CHCHD3: variants seen among roughly 807,000 people sequenced by gnomAD.
CHCHD3 encodes the protein coiled-coil-helix-coiled-coil-helix domain containing 3.
CHCHD3 carries 20 observed loss-of-function variants against 38.2 expected under a neutral mutation model. That is an observed-to-expected ratio of 0.52 (90% CI 0.37 to 0.76). The LOEUF (loss-of-function observed/expected upper bound fraction) is 0.76, where lower values mean the gene tolerates loss of function less well. Among genes scored for constraint, CHCHD3 ranks in the 30% least tolerant of loss-of-function variants. The probability of loss-of-function intolerance (pLI) is 0.00; values close to 1 mark genes in which losing one functional copy is unlikely to be tolerated. For missense variants in CHCHD3, 245 were observed against 279.2 expected (o/e 0.88, Z 0.87); for synonymous variants, 82 against 100.0 (o/e 0.82, Z 1.07).
At chr7:132,934,801 C>A (rs1210345419) in intron 4 of CHCHD3, among the ~76,000 whole-genome samples, 1 of 152,166 alleles carries the variant, frequency 6.6e-6, no homozygotes, top group Non-Finnish European at 1.5e-5. Context: ...AGCCTTTTAG[C>A]CAGTACTTTG....
chr7:132,902,047 T>C (rs1221612132), intron 4 of CHCHD3, among the ~76,000 whole-genome samples: 2 of 152,220 alleles, frequency 1.3e-5, no homozygotes, highest in African/African-American at 4.8e-5. Context: ...TTTCTACATA[T>C]GGCTAGCCAG....
chr7:133,045,450 A>C (rs1813957342), intron 2 of CHCHD3, among the ~76,000 whole-genome samples: 1 of 152,206 alleles, frequency 6.6e-6, no homozygotes, highest in African/African-American at 2.4e-5. Flanking sequence ...AGTCACCCTC[A>C]TTAAAACAAA....
intron 2 of CHCHD3, among the ~76,000 whole-genome samples, chr7:133,033,255 A>C (rs1039495608): frequency 6.6e-6 from 1 of 152,232 alleles, no homozygotes; most frequent in Non-Finnish European, 1.5e-5. Context: ...GTTTATATAT[A>C]AAACAACTAA....
chr7:132,974,828 C>T (rs1376020314), intron 4 of CHCHD3, among the ~76,000 whole-genome samples: 6 of 151,514 alleles, frequency 4.0e-5, no homozygotes, highest in African/African-American at 1.5e-4. Context: ...GAGCTGAGAT[C>T]GCACCACTGC....
intron 2 of CHCHD3, among the ~76,000 whole-genome samples, chr7:133,065,927 T>C (rs1344541962): frequency 6.6e-6 from 1 of 152,214 alleles, no homozygotes; most frequent in East Asian, 1.9e-4. Context: ...AGAAATCATG[T>C]ACTCAAAGAA....
chr7:132,915,616 G>A (rs1365418458), intron 4 of CHCHD3, among the ~76,000 whole-genome samples: 1 of 152,042 alleles, frequency 6.6e-6, no homozygotes, highest in Non-Finnish European at 1.5e-5. Context: ...TTGTTTTGAA[G>A]TTCAAAATAG....
intron 6 of CHCHD3, among the ~76,000 whole-genome samples, chr7:132,829,770 C>T (rs1430012914): frequency 6.6e-6 from 1 of 152,142 alleles, no homozygotes; most frequent in Non-Finnish European, 1.5e-5. Context: ...CAAAGTGACC[C>T]TTTTGGTCTT....
At chr7:133,009,290 G>A (rs1278352635) in intron 3 of CHCHD3, among the ~76,000 whole-genome samples, 2 of 150,058 alleles carry the variant, frequency 1.3e-5, no homozygotes, top group African/African-American at 4.9e-5. Flanking sequence ...CTTGAACCCA[G>A]GAGGCAGAGG....
At chr7:132,963,426 T>G (rs1217382843) in intron 4 of CHCHD3, among the ~76,000 whole-genome samples, 5 of 139,974 alleles carry the variant, frequency 3.6e-5, no homozygotes, top group South Asian at 2.3e-4. Context: ...GGTCGGGAGA[T>G]CGAGACCATC....
In CHCHD3 at chr7:132,984,851, T is replaced by G. The variant is rs1812047454; in HGVS notation, c.252-9565A>C. ...GCAGCCACCCGGTCTGGGAGGGAGG[T>G]GGGGGTCAGCCCCCCACCCGGCCAG... On this transcript the variant is annotated intron_variant, in intron 3 of 7. Coordinates refer to ENST00000262570, the MANE Select transcript of CHCHD3 (RefSeq NM_017812.4). Among the ~76,000 whole-genome samples, 2 of 107,712 alleles carry G rather than the reference T, an allele frequency of 1.9e-5. 1 individual carries two copies. Among genetic ancestry groups the G allele is most frequent in the Non-Finnish European group, 4.0e-5 (2 of 50,478 alleles). The allele number at this position is 107,712 out of a possible 152,430, so 70.7% of individuals were successfully genotyped here. A position where few individuals can be genotyped will look rare whatever the true frequency, so the allele number is the denominator to read the frequency against.
intron 6 of CHCHD3, among the ~76,000 whole-genome samples, chr7:132,824,756 G>T (rs1807467693): frequency 2.0e-5 from 3 of 152,034 alleles, no homozygotes; most frequent in African/African-American, 7.2e-5. Context: ...CACTGTTTCA[G>T]CCATTTTCAC....
At position 132,961,211 on chromosome 7, in the gene CHCHD3, G is replaced by A. The variant is rs1024811332; in HGVS notation, c.369+13958C>T. Among the ~76,000 whole-genome samples, 3 of 152,124 alleles carry A rather than the reference G, an allele frequency of 2.0e-5. No homozygotes were observed. In the East Asian group the frequency reaches 5.8e-4, roughly 29 times the overall value. On this transcript the variant is annotated intron_variant, in intron 4 of 7. Transcript: ENST00000262570. ...GCAGGAGGATCACTTGAGCCCAGGA[G>A]GTCGAGGCTACAGTGAGCTATGATT...
intron 4 of CHCHD3, among the ~76,000 whole-genome samples, chr7:132,950,634 AT>A (rs1047389890): frequency 6.6e-6 from 1 of 152,128 alleles, no homozygotes; most frequent in South Asian, 2.1e-4. Flanking sequence ...AACTTTAAAC[AT>A]TTTTTTACAT....
intron 4 of CHCHD3, chr7:132,972,551 AT>A: frequency 1.0e-6 from 1 of 976,376 alleles, no homozygotes; most frequent in Non-Finnish European, 1.2e-6. Flanking sequence ...GTCTTCCATA[AT>A]AATAAATAAC....
chr7:132,817,804 G>T (rs1374935601), intron 6 of CHCHD3, among the ~76,000 whole-genome samples: 1 of 151,540 alleles, frequency 6.6e-6, no homozygotes, highest in Non-Finnish European at 1.5e-5. Flanking sequence ...GACCCAGGAG[G>T]TCCACTTGAC....
chr7:132,956,658 G>C (rs1392313785), intron 4 of CHCHD3, among the ~76,000 whole-genome samples: 2 of 152,146 alleles, frequency 1.3e-5, no homozygotes, highest in African/African-American at 4.8e-5. Context: ...TTTCAAGTAA[G>C]AACACACAGA....
At chr7:132,826,212 C>T (rs1004771985) in intron 6 of CHCHD3, among the ~76,000 whole-genome samples, 8 of 152,160 alleles carry the variant, frequency 5.3e-5, no homozygotes, top group African/African-American at 1.7e-4. Flanking sequence ...GAGCAAATGG[C>T]AGTGCATAAA....
intron 4 of CHCHD3, among the ~76,000 whole-genome samples, chr7:132,917,858 C>CAA (rs33977058): frequency 0.046 from 4,240 of 92,014 alleles, 297 homozygotes; most frequent in East Asian, 0.11. Flanking sequence ...GACTCCATCT[C>CAA]AAAAAAAAAA....
chr7:132,984,833 C>A (rs1378829086), intron 3 of CHCHD3, among the ~76,000 whole-genome samples: 4 of 127,302 alleles, frequency 3.1e-5, no homozygotes, highest in African/African-American at 1.2e-4. Flanking sequence ...CCGGCAGCCA[C>A]CCGGTCTGGG....
Sources: gnomAD v4.1 joint callset for allele counts (sites outside exome capture counted in the v4.1 genomes callset) on GRCh38, gnomAD v4.1.1 for gene constraint, MANE v1.5 for transcripts, NCBI Gene and HGNC (gene_info 2026-07-23, HGNC 2026-07-21) for gene names.